RTN4: variants seen among roughly 807,000 people sequenced by gnomAD.
RTN4 encodes the protein reticulon 4, also known as reticulon-4.
RTN4 carries 32 observed loss-of-function variants against 90.4 expected under a neutral mutation model. The observed-to-expected ratio is 0.35, with a 90% confidence interval of 0.27 to 0.48. RTN4 has a LOEUF of 0.48. Ranked by LOEUF, RTN4 falls within the 20% of genes least tolerant of loss-of-function variation. The pLI, the probability that RTN4 is intolerant of heterozygous loss-of-function variation, is 0.99. For missense variants in RTN4, 1,706 were observed against 1,430.2 expected (o/e 1.19, Z -3.11); for synonymous variants, 629 against 552.5 (o/e 1.14, Z -1.94).
chr2:55,049,646 CG>C (rs1667983378), intron 1 of RTN4, 98 bp downstream of exon 1: 2 of 1,525,726 alleles, frequency 1.3e-6, no homozygotes, highest in African/African-American at 1.4e-5. Context: ...AAAGCGCCCT[CG>C]GGGCGGAGAG....
At chr2:55,085,823 T>C (rs573113010) in intron 1 of RTN4, among the ~76,000 whole-genome samples, 51 of 152,336 alleles carry the variant, frequency 3.3e-4, no homozygotes, top group Admixed American at 1.8e-3. Context: ...GAGACATAAA[T>C]ATAATCTCGC....
At chr2:55,036,990 G>A (rs906618924) in intron 1 of RTN4, among the ~76,000 whole-genome samples, 1 of 152,088 alleles carries the variant, frequency 6.6e-6, no homozygotes, top group Non-Finnish European at 1.5e-5. Context: ...AAAATCCTAA[G>A]GATTCAAAAT....
At chr2:55,054,495 A>T (rs1668155550), upstream of RTN4, among the ~76,000 whole-genome samples, 2 of 152,180 alleles carry the variant, frequency 1.3e-5, no homozygotes, top group African/African-American at 2.4e-5. Flanking sequence ...ATTATACCTT[A>T]TTTGCAGAAT....
At chr2:54,973,480 T>C in intron 8 of RTN4, 83 bp downstream of exon 8, 1 of 1,075,460 alleles carries the variant, frequency 9.3e-7, no homozygotes, top group Non-Finnish European at 1.4e-6. Flanking sequence ...TTGTTACTCA[T>C]TATGCCTGCA....
intron 1 of RTN4, among the ~76,000 whole-genome samples, chr2:55,046,632 C>T (rs1667751917): frequency 6.6e-6 from 1 of 152,192 alleles, no homozygotes; most frequent in Admixed American, 6.5e-5. Context: ...TCTGTACTCT[C>T]CCAAGGGGGA....
At chr2:55,048,664 T>A (rs954621370) in intron 1 of RTN4, among the ~76,000 whole-genome samples, 3 of 152,176 alleles carry the variant, frequency 2.0e-5, no homozygotes, top group African/African-American at 7.2e-5. Context: ...TAAACGTCGT[T>A]ATGAGGCACG....
intron 1 of RTN4, among the ~76,000 whole-genome samples, chr2:55,044,683 T>C (rs900096205): frequency 2.1e-4 from 31 of 149,476 alleles, no homozygotes; most frequent in Admixed American, 2.0e-3. Context: ...AGCACTAAAA[T>C]AGCATGTTTT....
At chr2:55,137,517 T>G in the RTN4 span, among the ~76,000 whole-genome samples, 5 of 152,122 alleles carry the variant, frequency 3.3e-5, no homozygotes, top group African/African-American at 1.2e-4. Flanking sequence ...GGTGACTGAC[T>G]AGATGGGAGT....
chr2:55,042,127 T>C (rs943109410), intron 1 of RTN4, among the ~76,000 whole-genome samples: 4 of 152,226 alleles, frequency 2.6e-5, no homozygotes, highest in Middle Eastern at 3.4e-3. Flanking sequence ...AATGTATTAG[T>C]TCACTAATAT....
intron 1 of RTN4, among the ~76,000 whole-genome samples, chr2:55,038,820 T>C (rs753444491): frequency 6.6e-6 from 1 of 152,248 alleles, no homozygotes; most frequent in Non-Finnish European, 1.5e-5. Flanking sequence ...GTTCACAGCA[T>C]TTTGTTCATA....
At chr2:55,049,098 TTTCTCCACGCACCACAC>T in intron 1 of RTN4, 1 of 985,778 alleles carries the variant, frequency 1.0e-6, no homozygotes, top group South Asian at 4.7e-5. Context: ...CTCCTTCCCA[TTTCTCCACGCACCACAC>T]CACTGGAGGC....
At chr2:55,061,427 G>A (rs1668290027) in intron 2 of RTN4, among the ~76,000 whole-genome samples, 1 of 152,024 alleles carries the variant, frequency 6.6e-6, no homozygotes, top group South Asian at 2.1e-4. Flanking sequence ...TATTATATTT[G>A]AATACCCATG....
intron 2 of RTN4, among the ~76,000 whole-genome samples, chr2:55,079,478 C>T (rs1668664490): frequency 6.6e-6 from 1 of 152,170 alleles, no homozygotes; most frequent in African/African-American, 2.4e-5. Flanking sequence ...GGAAAGCACA[C>T]ATGTCAGGTA....
intron 3 of RTN4, among the ~76,000 whole-genome samples, chr2:55,003,565 CAAAGA>C (rs1679994627): frequency 6.6e-6 from 1 of 152,028 alleles, no homozygotes; most frequent in Admixed American, 6.6e-5. Context: ...TCCAAGGATG[CAAAGA>C]AAAGTATTGC....
At chr2:55,090,011 T>C (rs991600680) in intron 1 of RTN4, among the ~76,000 whole-genome samples, 10 of 152,366 alleles carry the variant, frequency 6.6e-5, no homozygotes, top group South Asian at 2.1e-4. Context: ...GAGAAAGGCT[T>C]ACTTTTCATG....
intron 4 of RTN4, among the ~76,000 whole-genome samples, chr2:54,985,340 G>A (rs1319983279): frequency 1.3e-5 from 2 of 151,464 alleles, no homozygotes; most frequent in East Asian, 1.9e-4. Flanking sequence ...TTAATTTTTT[G>A]TAGAGATGGG....
chr2:55,064,403 C>T (rs1471815022), intron 2 of RTN4, among the ~76,000 whole-genome samples: 1 of 142,550 alleles, frequency 7.0e-6, no homozygotes. Flanking sequence ...GGCTGGAGTG[C>T]AGTGGCACTT....
intron 3 of RTN4, among the ~76,000 whole-genome samples, chr2:55,007,424 T>C (rs1277970840): frequency 2.0e-5 from 3 of 152,118 alleles, no homozygotes; most frequent in Non-Finnish European, 2.9e-5. Flanking sequence ...TTATTTCTTT[T>C]ACAATCAAAT....
intron 1 of RTN4, among the ~76,000 whole-genome samples, chr2:55,035,927 CA>C: frequency 6.6e-6 from 1 of 152,180 alleles, no homozygotes; most frequent in South Asian, 2.1e-4. Flanking sequence ...TTGAAAGACA[CA>C]AATCACCAAA....
Sources: gnomAD v4.1 joint callset for allele counts (sites outside exome capture counted in the v4.1 genomes callset) on GRCh38, gnomAD v4.1.1 for gene constraint, MANE v1.5 for transcripts, NCBI Gene and HGNC (gene_info 2026-07-23, HGNC 2026-07-21) for gene names.